TRAPPC3: variants seen among roughly 807,000 people sequenced by gnomAD.
The protein encoded by TRAPPC3 is trafficking protein particle complex subunit 3, also known as trafficking protein particle complex 3.
TRAPPC3 carries 5 observed loss-of-function variants against 18.2 expected under a neutral mutation model. That is an observed-to-expected ratio of 0.28 (90% CI 0.14 to 0.58). TRAPPC3 has a LOEUF of 0.58. Among genes scored for constraint, TRAPPC3 ranks in the 20% least tolerant of loss-of-function variants. The pLI, the probability that TRAPPC3 is intolerant of heterozygous loss-of-function variation, is 0.91. For synonymous variants in TRAPPC3, 65 were observed against 84.2 expected (o/e 0.77, Z 1.25); for missense variants, 176 against 225.9 (o/e 0.78, Z 1.41).
intron 1 of TRAPPC3, among the ~76,000 whole-genome samples, chr1:36,141,484 C>T (rs565262226): frequency 2.6e-5 from 4 of 152,306 alleles, no homozygotes; most frequent in Admixed American, 2.0e-4. Flanking sequence ...ATGCTCCTCA[C>T]GCCATCCCCA....
intron 1 of TRAPPC3, chr1:36,155,488 C>T (rs1048008373): frequency 6.6e-6 from 1 of 152,386 alleles, no homozygotes; most frequent in Non-Finnish European, 1.5e-5. Flanking sequence ...TAGGACCACC[C>T]AGTTTGGAGC....
chr1:36,141,402 G>A (rs1344509324), intron 1 of TRAPPC3, among the ~76,000 whole-genome samples: 1 of 152,166 alleles, frequency 6.6e-6, no homozygotes, highest in East Asian at 1.9e-4. Context: ...TTGAAGCAAA[G>A]AACCTTCCTC....
In TRAPPC3 at chr1:36,140,054, A is replaced by C; in HGVS notation, c.140+15T>G. 2 of 1,582,796 alleles carry C rather than the reference A, an allele frequency of 1.3e-6. No individual in the cohort carries two copies. The highest frequency in any genetic ancestry group is 1.7e-6 in the Non-Finnish European group (2 of 1,166,390). Reference sequence around the variant, plus strand: ...AGGCCCCATTTCTGTCTCTCCTATGAAGGAGCTCACTCACATTTTGTCCAG... The same window carrying C: ...AGGCCCCATTTCTGTCTCTCCTATGCAGGAGCTCACTCACATTTTGTCCAG... On this transcript the variant is annotated intron_variant, in intron 2 of 4. Coordinates refer to ENST00000373166, the MANE Select transcript of TRAPPC3 (RefSeq NM_014408.5).
In TRAPPC3 at chr1:36,137,076, G is replaced by T; in HGVS notation, c.*127C>A. The T allele has an allele frequency of 8.7e-7, 1 of 1,155,178 alleles. No individual in the cohort carries two copies. The highest frequency in any genetic ancestry group is 1.2e-6 in the Non-Finnish European group (1 of 819,342). 71.6% of individuals were successfully genotyped at this position (1,155,178 alleles called of 1,614,324 possible). A position where few individuals can be genotyped will look rare whatever the true frequency, so the allele number is the denominator to read the frequency against. ...CTGCTCTTTATTTGAATGGAGAATG[G>T]AAACAGGTTATAAGAATATATAACA... On this transcript the variant is annotated 3_prime_UTR_variant, in exon 5 of 5. Transcript: ENST00000373166.
At chr1:36,138,476 C>T (rs1292178900) in intron 3 of TRAPPC3, among the ~76,000 whole-genome samples, 1 of 152,200 alleles carries the variant, frequency 6.6e-6, no homozygotes, top group Middle Eastern at 3.2e-3. Flanking sequence ...CCTCCACTGT[C>T]AATCCTCTTT....
At chr1:36,140,017 C>A in intron 2 of TRAPPC3, 52 bp downstream of exon 2, 2 of 1,507,900 alleles carry the variant, frequency 1.3e-6, no homozygotes, top group South Asian at 1.3e-5. Context: ...AATGTAGACT[C>A]AGTGTGCTGG....
intron 1 of TRAPPC3, among the ~76,000 whole-genome samples, chr1:36,146,718 G>A (rs140108516): frequency 8.5e-4 from 128 of 151,354 alleles, no homozygotes; most frequent in African/African-American, 3.0e-3. Flanking sequence ...CTACACCTCT[G>A]TATGGCAAAC....
upstream of TRAPPC3, among the ~76,000 whole-genome samples, chr1:36,153,966 C>T (rs1353043792): frequency 1.3e-5 from 2 of 152,174 alleles, no homozygotes; most frequent in Non-Finnish European, 2.9e-5. Context: ...TCATTTTTAG[C>T]TGCCATTTCC....
At chr1:36,141,697 C>T (rs1270012559) in intron 1 of TRAPPC3, among the ~76,000 whole-genome samples, 4 of 151,450 alleles carry the variant, frequency 2.6e-5, no homozygotes, top group Admixed American at 6.6e-5. Context: ...CGGTGGCTCA[C>T]GCCTGTAATC....
intron 3 of TRAPPC3, chr1:36,139,466 T>A (rs1644074887): frequency 4.4e-6 from 2 of 456,102 alleles, no homozygotes; most frequent in Non-Finnish European, 7.8e-6. Context: ...GAGTCTGTAT[T>A]CTTTACCCCC....
At chr1:36,155,224 C>G (rs1464689376) in intron 1 of TRAPPC3, among the ~76,000 whole-genome samples, 1 of 152,226 alleles carries the variant, frequency 6.6e-6, no homozygotes, top group Non-Finnish European at 1.5e-5. Flanking sequence ...TGCAGCAGCA[C>G]CACCATCATC....
At chr1:36,145,343 T>C (rs1233175076) in intron 1 of TRAPPC3, among the ~76,000 whole-genome samples, 3 of 152,202 alleles carry the variant, frequency 2.0e-5, no homozygotes, top group South Asian at 2.1e-4. Context: ...GGCTGATCTT[T>C]AGAGCCAATG....
chr1:36,155,039 G>C (rs2124185118), intron 1 of TRAPPC3, among the ~76,000 whole-genome samples: 1 of 152,304 alleles, frequency 6.6e-6, no homozygotes, highest in Middle Eastern at 3.4e-3. Context: ...TTCTGGAGCT[G>C]CTTAAAGGAA....
At chr1:36,149,176 C>T in intron 1 of TRAPPC3, 161 bp downstream of exon 1, 2 of 1,484,088 alleles carry the variant, frequency 1.3e-6, no homozygotes, top group Non-Finnish European at 1.8e-6. Context: ...ACGGTCCCCT[C>T]ACCTGCCTGG....
intron 3 of TRAPPC3, 78 bp downstream of exon 3, chr1:36,139,642 A>G: frequency 6.3e-7 from 1 of 1,584,680 alleles, no homozygotes; most frequent in Non-Finnish European, 8.6e-7. Context: ...AGGCCTCTCT[A>G]AGGGAGATAG....
At chr1:36,139,905 G>T in intron 2 of TRAPPC3, 86 bp from the exon 3 acceptor site, 1 of 1,560,958 alleles carries the variant, frequency 6.4e-7, no homozygotes, top group East Asian at 2.3e-5. Context: ...AAGGGAAAAT[G>T]GGGATAATCT....
chr1:36,148,452 A>C (rs1024363327), intron 1 of TRAPPC3, among the ~76,000 whole-genome samples: 2 of 152,100 alleles, frequency 1.3e-5, no homozygotes, highest in African/African-American at 2.4e-5. Flanking sequence ...AAAATCAGCC[A>C]GGCGTGGTGG....
At chr1:36,144,830 T>C (rs1268918895) in intron 1 of TRAPPC3, among the ~76,000 whole-genome samples, 1 of 152,210 alleles carries the variant, frequency 6.6e-6, no homozygotes, top group Admixed American at 6.5e-5. Context: ...TGAATGTGCT[T>C]TGCAGACAAG....
chr1:36,140,152 G>A lies in TRAPPC3; in HGVS notation c.57C>T (p.Phe19=). The A allele has an allele frequency of 6.3e-7, 1 of 1,594,886 alleles. No individual in the cohort carries two copies. Among genetic ancestry groups the A allele is most frequent in the Non-Finnish European group, 8.5e-7 (1 of 1,174,332 alleles). ...TGACCAGGGCACCATAGGTCAGGGT[G>A]AAGAGCTCAGAGCTCTAAAAGAGAT... The part of the protein sequence containing the change: ...TESKKMSSEL[F]TLTYGALVTQ... The change falls in exon 2 of 5, where the codon TTC becomes TTT. Residue 19 remains phenylalanine (F), a synonymous_variant. Transcript: ENST00000373166.
Sources: allele counts gnomAD v4.1 joint callset (sites outside exome capture counted in the v4.1 genomes callset), GRCh38; gene constraint gnomAD v4.1.1; transcripts MANE v1.5; gene names NCBI Gene and HGNC (gene_info 2026-07-23, HGNC 2026-07-21).